SCHIP1: variants seen among roughly 807,000 people sequenced by gnomAD.
The protein encoded by SCHIP1 is schwannomin-interacting protein 1.
Under a neutral mutation model 29.7 loss-of-function variants are expected in SCHIP1, and 8 were observed. The observed-to-expected ratio is 0.27, with a 90% CI of 0.16 to 0.49. The LOEUF (loss-of-function observed/expected upper bound fraction) is 0.49, where lower values mean the gene tolerates loss of function less well. Among genes scored for constraint, SCHIP1 ranks in the 20% least tolerant of loss-of-function variants. SCHIP1 has a pLI of 0.99. For missense variants in SCHIP1, 193 were observed against 294.6 expected, an observed-to-expected ratio of 0.66 and a Z score of 2.52; for synonymous variants, 76 against 94.9, an observed-to-expected ratio of 0.80 and a Z score of 1.16.
chr3:159,657,598 C>G, the SCHIP1 span, among the ~76,000 whole-genome samples: 4 of 152,198 alleles, frequency 2.6e-5, no homozygotes, highest in African/African-American at 9.7e-5. Context: ...TTTCCTGCTG[C>G]CTAAATGTCA....
At chr3:159,790,460 G>A in the SCHIP1 span, among the ~76,000 whole-genome samples, 1 of 152,196 alleles carries the variant, frequency 6.6e-6, no homozygotes, top group Admixed American at 6.5e-5. Context: ...AAAGGCGGGC[G>A]GATCACTTGA....
the SCHIP1 span, among the ~76,000 whole-genome samples, chr3:159,679,196 C>T: frequency 6.6e-6 from 1 of 151,660 alleles, no homozygotes; most frequent in Non-Finnish European, 1.5e-5. Flanking sequence ...AAGAGAATTA[C>T]TTTAAAATTT....
At chr3:159,360,298 GTAT>G in the SCHIP1 span, among the ~76,000 whole-genome samples, 24 of 152,268 alleles carry the variant, frequency 1.6e-4, no homozygotes, top group East Asian at 3.7e-3. Flanking sequence ...ACATATAGTA[GTAT>G]TCACTTTTTC....
chr3:159,282,324 A>C, the SCHIP1 span, among the ~76,000 whole-genome samples: 1 of 151,912 alleles, frequency 6.6e-6, no homozygotes, highest in Non-Finnish European at 1.5e-5. Context: ...TAACATTTTC[A>C]CATTTTGTGG....
chr3:159,572,083 GGATT>G, the SCHIP1 span, among the ~76,000 whole-genome samples: 2 of 151,886 alleles, frequency 1.3e-5, no homozygotes, highest in African/African-American at 2.4e-5. Context: ...ACCAGCTCCT[GGATT>G]GATTTTTTTG....
the SCHIP1 span, among the ~76,000 whole-genome samples, chr3:159,491,877 G>A: frequency 2.1e-4 from 32 of 152,162 alleles, no homozygotes; most frequent in African/African-American, 5.8e-4. Flanking sequence ...CACCTCACAC[G>A]GCCAGGTACT....
At chr3:159,732,232 G>A in the SCHIP1 span, among the ~76,000 whole-genome samples, 47 of 152,344 alleles carry the variant, frequency 3.1e-4, 1 homozygote, top group African/African-American at 1.1e-3. Flanking sequence ...GCTGAAGCCT[G>A]GCAGGCAATG....
chr3:159,765,275 G>A, the SCHIP1 span: 1 of 1,036,636 alleles, frequency 9.6e-7, no homozygotes. Context: ...CCAGGCCAGA[G>A]AGCCTGCCGT....
chr3:159,318,276 C>G, the SCHIP1 span, among the ~76,000 whole-genome samples: 2 of 152,212 alleles, frequency 1.3e-5, no homozygotes, highest in African/African-American at 4.8e-5. Context: ...TTTGACCACT[C>G]AGAGAGGTCC....
the SCHIP1 span, among the ~76,000 whole-genome samples, chr3:159,533,434 T>G: frequency 6.6e-6 from 1 of 152,152 alleles, no homozygotes; most frequent in Non-Finnish European, 1.5e-5. Flanking sequence ...TAGAAGGTGT[T>G]GCCTCTGAGT....
the SCHIP1 span, among the ~76,000 whole-genome samples, chr3:159,383,551 A>G: frequency 6.7e-6 from 1 of 150,004 alleles, no homozygotes; most frequent in East Asian, 1.9e-4. Context: ...TGATGCCTCC[A>G]GCTTTGTTCT....
the SCHIP1 span, among the ~76,000 whole-genome samples, chr3:159,811,768 T>G: frequency 6.6e-6 from 1 of 152,184 alleles, no homozygotes; most frequent in African/African-American, 2.4e-5. Context: ...CTTTTCTAGG[T>G]CCTTTGCATT....
At chr3:159,357,432 A>T in the SCHIP1 span, among the ~76,000 whole-genome samples, 3 of 152,230 alleles carry the variant, frequency 2.0e-5, no homozygotes, top group Non-Finnish European at 4.4e-5. Flanking sequence ...ACACACATGT[A>T]CAAATGCACA....
the SCHIP1 span, among the ~76,000 whole-genome samples, chr3:159,671,011 G>C: frequency 6.6e-6 from 1 of 152,122 alleles, no homozygotes; most frequent in Non-Finnish European, 1.5e-5. Context: ...ATTAAACCAA[G>C]TATAGGACTC....
chr3:159,533,647 CTGTTCTT>C, the SCHIP1 span, among the ~76,000 whole-genome samples: 2 of 152,152 alleles, frequency 1.3e-5, no homozygotes, highest in Non-Finnish European at 2.9e-5. Context: ...TCTCTGTTCT[CTGTTCTT>C]TAATACAGAG....
chr3:159,851,097 G>C (rs1712569547), intron 1 of SCHIP1, among the ~76,000 whole-genome samples: 1 of 152,176 alleles, frequency 6.6e-6, no homozygotes, highest in African/African-American at 2.4e-5. Context: ...AACATAGTGA[G>C]ATCCCATCCC....
At chr3:159,474,834 G>A in the SCHIP1 span, among the ~76,000 whole-genome samples, 3 of 152,166 alleles carry the variant, frequency 2.0e-5, no homozygotes. Flanking sequence ...AATATGTCCT[G>A]TATCCATCCT....
At chr3:159,846,732 A>G (rs1044795274) in intron 1 of SCHIP1, among the ~76,000 whole-genome samples, 1 of 152,144 alleles carries the variant, frequency 6.6e-6, no homozygotes, top group African/African-American at 2.4e-5. Flanking sequence ...TCTATAGTTA[A>G]TAGTGCTGAA....
At chr3:159,872,017 T>G (rs1315716574) in intron 2 of SCHIP1, among the ~76,000 whole-genome samples, 1 of 152,114 alleles carries the variant, frequency 6.6e-6, no homozygotes, top group Non-Finnish European at 1.5e-5. Flanking sequence ...TCTACCAGCC[T>G]CCCCTGTGGG....
Sources: gnomAD v4.1 joint callset for allele counts (sites outside exome capture counted in the v4.1 genomes callset) on GRCh38, gnomAD v4.1.1 for gene constraint, MANE v1.5 for transcripts, NCBI Gene and HGNC (gene_info 2026-07-23, HGNC 2026-07-21) for gene names.